Variants in EXOC4 observed in about 807,000 individuals in gnomAD.
EXOC4 encodes SEC8-like 1.
In EXOC4, 71 loss-of-function variants were observed where a neutral mutation model predicts 107.2. The observed-to-expected ratio is 0.66, with a 90% CI of 0.55 to 0.81. The LOEUF (loss-of-function observed/expected upper bound fraction) is 0.81, where lower values mean the gene tolerates loss of function less well. Ranked by LOEUF, EXOC4 falls within the 30% of genes least tolerant of loss-of-function variation. The probability of loss-of-function intolerance (pLI) is 0.00; values close to 1 mark genes in which losing one functional copy is unlikely to be tolerated. For synonymous variants in EXOC4, 456 were observed against 441.2 expected (o/e 1.03, Z -0.42); for missense variants, 1,108 against 1,189.6 (o/e 0.93, Z 1.01).
intron 10 of EXOC4, among the ~76,000 whole-genome samples, chr7:133,671,759 G>T (rs6969914): frequency 0.99 from 150,213 of 152,192 alleles, 74,167 homozygotes; most frequent in Middle Eastern, 1. Context: ...TTAATGTGCA[G>T]GTAAGAAAAA....
At chr7:133,404,883 AAT>A (rs1797179115) in intron 7 of EXOC4, among the ~76,000 whole-genome samples, 2 of 5,066 alleles carry the variant, frequency 3.9e-4, no homozygotes, top group Non-Finnish European at 7.4e-4. Flanking sequence ...CCCCCCCCCC[AAT>A]ACACACACAC....
chr7:133,265,109 T>C (rs868566971), intron 1 of EXOC4, among the ~76,000 whole-genome samples: 6 of 152,186 alleles, frequency 3.9e-5, no homozygotes, highest in Admixed American at 2.6e-4. Flanking sequence ...ACTCTTTTTT[T>C]CTTGCATCGG....
intron 17 of EXOC4, among the ~76,000 whole-genome samples, chr7:134,019,073 G>A (rs561991735): frequency 6.6e-6 from 1 of 152,172 alleles, no homozygotes; most frequent in East Asian, 1.9e-4. Context: ...GGGATTAAAG[G>A]CACGCGCCAC....
intron 8 of EXOC4, chr7:133,479,347 C>CTCTCCCTCCT (rs1799098610): frequency 6.6e-6 from 1 of 152,028 alleles, no homozygotes; most frequent in Non-Finnish European, 1.5e-5. Context: ...TATCATGAGT[C>CTCTCCCTCCT]TCTCCCTCCT....
chr7:133,973,451 G>T (rs1483141615), intron 14 of EXOC4, among the ~76,000 whole-genome samples: 3 of 152,098 alleles, frequency 2.0e-5, no homozygotes, highest in Non-Finnish European at 2.9e-5. Flanking sequence ...GAAAGAAAAG[G>T]CTATGAAGTG....
chr7:133,551,202 A>C (rs1563105200), intron 9 of EXOC4, among the ~76,000 whole-genome samples: 1 of 152,188 alleles, frequency 6.6e-6, no homozygotes, highest in Non-Finnish European at 1.5e-5. Flanking sequence ...TTTATAAGAA[A>C]TAGTGTGATG....
intron 10 of EXOC4, among the ~76,000 whole-genome samples, chr7:133,719,718 T>A (rs12535705): frequency 0.011 from 1,615 of 152,044 alleles, 16 homozygotes; most frequent in Non-Finnish European, 0.017. Flanking sequence ...CTGAAGTGAG[T>A]TTTGGTGATT....
chr7:133,738,629 T>A (rs1337728306), intron 10 of EXOC4, among the ~76,000 whole-genome samples: 4 of 152,260 alleles, frequency 2.6e-5, no homozygotes. Context: ...TTTTGACATG[T>A]ATTTTTGGAG....
At chr7:133,823,876 A>AAAT (rs1797615538) in intron 11 of EXOC4, among the ~76,000 whole-genome samples, 1 of 16,376 alleles carries the variant, frequency 6.1e-5, no homozygotes, top group African/African-American at 8.6e-4. Context: ...TATATATTAT[A>AAAT]TATATATATA....
At chr7:133,345,817 T>C (rs1215733305) in intron 5 of EXOC4, among the ~76,000 whole-genome samples, 3 of 152,208 alleles carry the variant, frequency 2.0e-5, no homozygotes, top group African/African-American at 7.2e-5. Context: ...AAGTAGCAGT[T>C]GGCAACAACT....
chr7:134,006,052 A>G (rs1207323853), intron 16 of EXOC4, among the ~76,000 whole-genome samples: 1 of 152,176 alleles, frequency 6.6e-6, no homozygotes, highest in Non-Finnish European at 1.5e-5. Context: ...GGCATCTGTA[A>G]TATTCTGCAG....
At chr7:134,088,485 A>G in the EXOC4 span, among the ~76,000 whole-genome samples, 4 of 152,178 alleles carry the variant, frequency 2.6e-5, no homozygotes, top group African/African-American at 7.2e-5. Flanking sequence ...AAAACAAAGA[A>G]TCAGCAACAT....
chr7:133,277,915 T>C (rs1004425192), intron 2 of EXOC4, among the ~76,000 whole-genome samples: 3 of 152,256 alleles, frequency 2.0e-5, no homozygotes, highest in Non-Finnish European at 2.9e-5. Flanking sequence ...ATATGAAATA[T>C]AGGTGTGTAT....
chr7:133,978,822 C>T (rs1313316364), intron 14 of EXOC4, among the ~76,000 whole-genome samples: 1 of 152,106 alleles, frequency 6.6e-6, no homozygotes, highest in African/African-American at 2.4e-5. Flanking sequence ...TTTCTTTTTG[C>T]CTTACACAGC....
chr7:133,716,889 C>T (rs1795009073), intron 10 of EXOC4, among the ~76,000 whole-genome samples: 1 of 151,902 alleles, frequency 6.6e-6, no homozygotes, highest in South Asian at 2.1e-4. Context: ...GTGGTGAGCC[C>T]AGATCACACC....
intron 9 of EXOC4, among the ~76,000 whole-genome samples, chr7:133,503,410 G>A (rs1219019909): frequency 6.6e-6 from 1 of 152,184 alleles, no homozygotes; most frequent in Non-Finnish European, 1.5e-5. Flanking sequence ...TTAGGAACAT[G>A]ATCCATTGAT....
intron 10 of EXOC4, among the ~76,000 whole-genome samples, chr7:133,676,114 T>C (rs10263225): frequency 0.1 from 15,141 of 151,860 alleles, 824 homozygotes; most frequent in African/African-American, 0.14. Flanking sequence ...AGAATTGCAG[T>C]CATTCATTCA....
the EXOC4 span, among the ~76,000 whole-genome samples, chr7:134,081,648 G>T: frequency 2.0e-5 from 3 of 152,298 alleles, no homozygotes; most frequent in Admixed American, 1.3e-4. Flanking sequence ...GACAGGACGT[G>T]ATCATTGGTT....
At chr7:134,092,227 T>C in the EXOC4 span, among the ~76,000 whole-genome samples, 2 of 152,156 alleles carry the variant, frequency 1.3e-5, no homozygotes, top group African/African-American at 2.4e-5. Flanking sequence ...CTAAAATCCA[T>C]TGAATTATAT....
Sources: gnomAD v4.1 joint callset for allele counts (sites outside exome capture counted in the v4.1 genomes callset) on GRCh38, gnomAD v4.1.1 for gene constraint, MANE v1.5 for transcripts, NCBI Gene and HGNC (gene_info 2026-07-23, HGNC 2026-07-21) for gene names.